TGFBRAP1: variants seen among roughly 807,000 people sequenced by gnomAD.
The protein encoded by TGFBRAP1 is transforming growth factor beta receptor associated protein 1.
A neutral mutation model predicts 83.2 loss-of-function variants in TGFBRAP1; 20 were observed. That is an observed-to-expected ratio of 0.24 (90% CI 0.17 to 0.35). The LOEUF is 0.35. Among genes scored for constraint, TGFBRAP1 ranks in the 10% least tolerant of loss-of-function variants. The pLI is 1.00. For synonymous variants in TGFBRAP1, 415 were observed against 459.8 expected (o/e 0.90, Z 1.25); for missense variants, 950 against 1,099.4 (o/e 0.86, Z 1.92).
At chr2:105,257,433 C>G in the TGFBRAP1 span, among the ~76,000 whole-genome samples, 1 of 152,172 alleles carries the variant, frequency 6.6e-6, no homozygotes, top group African/African-American at 2.4e-5. Flanking sequence ...CCCTTCCCAG[C>G]CCCTGGCACC....
the TGFBRAP1 span, among the ~76,000 whole-genome samples, chr2:105,252,941 C>T: frequency 2.6e-5 from 4 of 151,288 alleles, no homozygotes; most frequent in East Asian, 2.0e-4. Flanking sequence ...TTTTTAGTAG[C>T]GACGGGGTTT....
chr2:105,284,163 C>T (rs1478876477), intron 5 of TGFBRAP1, among the ~76,000 whole-genome samples, 153 bp downstream of exon 5: 2 of 152,220 alleles, frequency 1.3e-5, no homozygotes, highest in African/African-American at 2.4e-5. Context: ...CCAGCATTGG[C>T]GGGGTCTGCT....
At chr2:105,268,202 G>A (rs1677011684) in intron 11 of TGFBRAP1, among the ~76,000 whole-genome samples, 2 of 152,178 alleles carry the variant, frequency 1.3e-5, no homozygotes, top group African/African-American at 4.8e-5. Flanking sequence ...GCAACTTAGC[G>A]ATTCATCCTG....
At chr2:105,312,219 T>C (rs1470588624) in intron 1 of TGFBRAP1, among the ~76,000 whole-genome samples, 5 of 152,080 alleles carry the variant, frequency 3.3e-5, no homozygotes, top group African/African-American at 1.2e-4. Context: ...CCTAACACTT[T>C]GAGAGGCCCA....
Position 105,267,528 on chromosome 2 carries a change from G to A in TGFBRAP1, c.2438C>T (p.Ser813Leu). The change falls in exon 12 of 12, where the codon TCA becomes TTA. Residue 813 changes from serine to leucine, a missense_variant. Coordinates refer to ENST00000393359, the MANE Select transcript of TGFBRAP1 (RefSeq NM_004257.6). Reference sequence around the variant, plus strand: ...GCATATCTGACAAAGCTTTTTGTCTGAGAGTTGGATTGAGCTTCCTTTCAA... The same window carrying A: ...GCATATCTGACAAAGCTTTTTGTCTAAGAGTTGGATTGAGCTTCCTTTCAA... Reference protein sequence around the residue: ...MKLKGSSIQLSDKKLCQICQN... With the variant: ...MKLKGSSIQLLDKKLCQICQN... The A allele has an allele frequency of 6.2e-7, 1 of 1,614,230 alleles. No individual in the cohort carries two copies. The highest frequency in any genetic ancestry group is 8.5e-7 in the Non-Finnish European group (1 of 1,180,050).
rs775114697 is a variant in TGFBRAP1, at chr2:105,307,800, C to T, written c.502G>A (p.Glu168Lys). 9.3e-6 allele frequency: 15 copies of T among 1,614,114 alleles called. No individual in the cohort carries two copies. Among genetic ancestry groups the T allele is most frequent in the Non-Finnish European group, 1.2e-5 (14 of 1,180,042 alleles). The change falls in exon 2 of 12, where the codon GAG becomes AAG. Residue 168 changes from glutamate to lysine, a missense_variant. By Grantham distance (56) the Glu-to-Lys change is moderately conservative (BLOSUM62 1). Coordinates refer to ENST00000393359, the MANE Select transcript of TGFBRAP1 (RefSeq NM_004257.6). Reference sequence around the variant, plus strand: ...TCCACAGCCACAGCGAGGGGCTGCTCGGCAGTCGACACCTCCTTGACGATC... The same window carrying T: ...TCCACAGCCACAGCGAGGGGCTGCTTGGCAGTCGACACCTCCTTGACGATC... ...VQIVKEVSTA[E>K]QPLAVAVDGH...
chr2:105,305,185 G>C (rs1348027029), intron 2 of TGFBRAP1, among the ~76,000 whole-genome samples: 3 of 152,080 alleles, frequency 2.0e-5, no homozygotes, highest in Admixed American at 2.0e-4. Flanking sequence ...ACCTAAAACT[G>C]CTCTAAAAAA....
In TGFBRAP1 at chr2:105,284,361, A is replaced by G. The variant is rs778464241; in HGVS notation, c.1076T>C (p.Ile359Thr). 6.2e-7 allele frequency: 1 copy of G among 1,614,128 alleles called. No homozygotes were observed. ...YRRILQQAGF[I>T]QFAQLQFLEA... ...CAGGAACTGAAGTTGTGCAAACTGT[A>G]TAAATCCCGCCTGCTGCAGAATCCT... The change falls in exon 5 of 12, where the codon ATA (isoleucine) becomes ACA (threonine). Residue 359 changes from isoleucine (I) to threonine (T), a missense_variant. Coordinates refer to ENST00000393359, the MANE Select transcript of TGFBRAP1 (RefSeq NM_004257.6).
rs1292827669 is a variant in TGFBRAP1, at chr2:105,329,728, C to A, written c.-121G>T. The stretch of plus-strand genomic sequence containing the variant: ...TGGCCCGACCCCGCAGCCGCCGCTT[C>A]CCGTCACGTGGGGCGGCCGCCAGGC... On this transcript the variant is annotated 5_prime_UTR_variant, in exon 1 of 12. Coordinates refer to ENST00000393359, the MANE Select transcript of TGFBRAP1 (RefSeq NM_004257.6). 6.8e-6 allele frequency: 1 copy of A among 147,926 alleles called. No individual in the cohort carries two copies. The highest frequency in any genetic ancestry group is 1.5e-5 in the Non-Finnish European group (1 of 66,166). The allele number at this position is 147,926 out of a possible 1,614,324, so 9.2% of individuals were successfully genotyped here.
chr2:105,307,861 G>C lies in TGFBRAP1; in HGVS notation c.441C>G (p.Thr147=). ...CCTCGTACACCAGAAACATCTGGAT[G>C]GTTCTGCGTTTGACAGAGATGATGC... ...EVCIISVKRR[T]IQMFLVYEDR... The change falls in exon 2 of 12, where the codon ACC becomes ACG. Residue 147 remains threonine (T), a synonymous_variant. Coordinates refer to ENST00000393359, the MANE Select transcript of TGFBRAP1 (RefSeq NM_004257.6). The C allele has an allele frequency of 6.2e-7, 1 of 1,614,230 alleles. No individual in the cohort carries two copies. The highest frequency in any genetic ancestry group is 8.5e-7 in the Non-Finnish European group (1 of 1,180,048).
intron 4 of TGFBRAP1, among the ~76,000 whole-genome samples, chr2:105,284,728 C>A (rs1677656916): frequency 2.0e-5 from 3 of 152,156 alleles, no homozygotes; most frequent in African/African-American, 7.2e-5. Flanking sequence ...GCCTGGCCTT[C>A]TTCCACTCTT....
rs776812962 is a variant in TGFBRAP1 at position 105,280,623 on chromosome 2, C to T, written c.1222G>A (p.Ala408Thr). 21 of 1,613,952 alleles carry T rather than the reference C, an allele frequency of 1.3e-5. 1 individual carries two copies. The highest frequency in any genetic ancestry group is 3.3e-5 in the South Asian group (3 of 91,078). Reference sequence around the variant, plus strand: ...CCCTGGGTCAGCTGGTTCAGGTCTGCGTACTCATGAAGAGGAGGGTGGGAC... The same window carrying T: ...CCCTGGGTCAGCTGGTTCAGGTCTGTGTACTCATGAAGAGGAGGGTGGGAC... The part of the protein sequence containing the change: ...TRSHPPLHEY[A>T]DLNQLTQGDQ... Residue 408 changes from alanine (A) to threonine (T), a missense_variant, in exon 6 of 12, where the codon GCA becomes ACA. By Grantham distance (58) the Ala-to-Thr change is moderately conservative. Coordinates refer to ENST00000393359, the MANE Select transcript of TGFBRAP1 (RefSeq NM_004257.6).
At position 105,275,621 on chromosome 2, in the gene TGFBRAP1, T is replaced by C. The variant is rs370555839; in HGVS notation, c.1604A>G (p.Tyr535Cys). 1.9e-6 allele frequency: 3 copies of C among 1,614,052 alleles called. No homozygotes were observed. The highest frequency in any genetic ancestry group is 2.5e-6 in the Non-Finnish European group (3 of 1,180,026). Residue 535 changes from tyrosine to cysteine, a missense_variant, in exon 8 of 12, where the codon TAC (tyrosine) becomes TGC (cysteine). By Grantham distance (194) the Tyr-to-Cys change is radical. Transcript: ENST00000393359. The stretch of plus-strand genomic sequence containing the variant: ...CCACACTAGTTCCTCGTCTAAGCAG[T>C]AGGTAAGAAAATCCACGATGTATTC... ...LYEYIVDFLT[Y>C]CLDEELVWAY...
At chr2:105,300,434 CTTT>C (rs769660664) in intron 2 of TGFBRAP1, among the ~76,000 whole-genome samples, 2 of 119,030 alleles carry the variant, frequency 1.7e-5, no homozygotes, top group African/African-American at 3.1e-5. Context: ...GGAGTAAAAT[CTTT>C]TTTTTTTTTT....
intron 1 of TGFBRAP1, among the ~76,000 whole-genome samples, chr2:105,325,418 TG>T (rs1344624417): frequency 1.3e-5 from 2 of 152,200 alleles, no homozygotes; most frequent in Non-Finnish European, 2.9e-5. Context: ...CAAGGTTACC[TG>T]GCTACAAGGT....
At chr2:105,321,360 G>A (rs1368632309) in intron 1 of TGFBRAP1, among the ~76,000 whole-genome samples, 2 of 151,924 alleles carry the variant, frequency 1.3e-5, no homozygotes, top group African/African-American at 2.4e-5. Context: ...TAAAGATGGG[G>A]TTTCACTGTG....
intron 1 of TGFBRAP1, chr2:105,324,117 C>T (rs1312540150): frequency 6.6e-6 from 1 of 152,134 alleles, no homozygotes; most frequent in Non-Finnish European, 1.5e-5. Context: ...AGAAAAAAGA[C>T]ATTAAGCAGA....
intron 1 of TGFBRAP1, among the ~76,000 whole-genome samples, chr2:105,328,246 C>A (rs1463309633): frequency 6.6e-6 from 1 of 152,136 alleles, no homozygotes; most frequent in East Asian, 1.9e-4. Flanking sequence ...CATTCATTAC[C>A]ACCACAGAGC....
chr2:105,298,669 G>T lies in TGFBRAP1; in HGVS notation c.725C>A (p.Ala242Asp). ...CACATTCTCCGACCAGTGCACGGGG[G>T]CGCGCTGGGATATCCCTGCGACTGT... Reference protein sequence around the residue: ...FATVAGISQRAPVHWSENVIG... With the variant: ...FATVAGISQRDPVHWSENVIG... Residue 242 changes from alanine to aspartate, a missense_variant, in exon 3 of 12, where the codon GCC (alanine) becomes GAC (aspartate). Physicochemically the swap from Ala to Asp is moderately radical, Grantham distance 126. Coordinates refer to ENST00000393359, the MANE Select transcript of TGFBRAP1 (RefSeq NM_004257.6). 6.2e-7 allele frequency: 1 copy of T among 1,602,126 alleles called. No individual in the cohort carries two copies. Among genetic ancestry groups the T allele is most frequent in the Non-Finnish European group, 8.5e-7 (1 of 1,172,074 alleles).
Sources: allele counts gnomAD v4.1 joint callset (sites outside exome capture counted in the v4.1 genomes callset), GRCh38; gene constraint gnomAD v4.1.1; transcripts MANE v1.5; gene names NCBI Gene and HGNC (gene_info 2026-07-23, HGNC 2026-07-21).